Variants in CALCRL observed in about 807,000 individuals in gnomAD.
CALCRL encodes the protein calcitonin receptor like receptor.
CALCRL carries 27 observed loss-of-function variants against 60.4 expected under a neutral mutation model. The observed-to-expected ratio is 0.45, with a 90% CI of 0.33 to 0.62. CALCRL has a LOEUF of 0.62. CALCRL is among the 20% of genes least tolerant of loss of function. CALCRL has a pLI of 0.03. For synonymous variants in CALCRL, 190 were observed against 182.6 expected (o/e 1.04, Z -0.33); for missense variants, 424 against 540.7 (o/e 0.78, Z 2.14).
intron 14 of CALCRL, among the ~76,000 whole-genome samples, chr2:187,348,665 T>C (rs1254628510): frequency 6.6e-6 from 1 of 151,694 alleles, no homozygotes; most frequent in Non-Finnish European, 1.5e-5. Flanking sequence ...GAAAGCCAAT[T>C]TCATGAACTG....
intron 8 of CALCRL, among the ~76,000 whole-genome samples, chr2:187,369,858 T>C (rs1460492491): frequency 6.6e-6 from 1 of 152,152 alleles, no homozygotes; most frequent in Non-Finnish European, 1.5e-5. Context: ...AGAGAAGTAT[T>C]CCAAATGGGG....
intron 1 of CALCRL, among the ~76,000 whole-genome samples, chr2:187,429,139 G>T (rs1184887548): frequency 6.6e-6 from 1 of 151,714 alleles, no homozygotes; most frequent in Admixed American, 6.6e-5. Context: ...AGATGCTTCT[G>T]TTGCCAAAAT....
At chr2:187,365,798 A>C (rs1205818850) in intron 8 of CALCRL, among the ~76,000 whole-genome samples, 1 of 152,206 alleles carries the variant, frequency 6.6e-6, no homozygotes, top group Non-Finnish European at 1.5e-5. Flanking sequence ...TAAGCCATGA[A>C]CAGAAAGAAA....
At chr2:187,411,652 T>C (rs986127355) in intron 1 of CALCRL, among the ~76,000 whole-genome samples, 2 of 152,036 alleles carry the variant, frequency 1.3e-5, no homozygotes, top group African/African-American at 4.8e-5. Flanking sequence ...TTAAATATTA[T>C]GAGGTATTGT....
chr2:187,387,803 A>C (rs900378045), intron 1 of CALCRL, 47 bp from the exon 2 acceptor site: 4 of 390,552 alleles, frequency 1.0e-5, no homozygotes, highest in African/African-American at 2.1e-5. Context: ...CTAATGACCA[A>C]AATTATTTCC....
chr2:187,440,200 C>T (rs1690825986), intron 1 of CALCRL, among the ~76,000 whole-genome samples: 1 of 151,626 alleles, frequency 6.6e-6, no homozygotes, highest in African/African-American at 2.4e-5. Context: ...TTAGGTTGAA[C>T]TAAAATGTCC....
chr2:187,369,391 C>A (rs565407702), intron 8 of CALCRL, among the ~76,000 whole-genome samples: 31 of 152,212 alleles, frequency 2.0e-4, no homozygotes, highest in African/African-American at 7.2e-4. Flanking sequence ...TTTTGAAACC[C>A]TTAGACTATC....
intron 8 of CALCRL, among the ~76,000 whole-genome samples, chr2:187,370,201 T>G (rs860846): frequency 0.32 from 48,205 of 151,994 alleles, 7,863 homozygotes; most frequent in Middle Eastern, 0.4. Flanking sequence ...CTAGTCATTC[T>G]GTTTTTTCTT....
At chr2:187,356,785 A>T (rs192508611) in intron 12 of CALCRL, among the ~76,000 whole-genome samples, 108 of 152,272 alleles carry the variant, frequency 7.1e-4, no homozygotes, top group African/African-American at 2.5e-3. Flanking sequence ...GAATCTACAA[A>T]GAACTTAAAC....
intron 1 of CALCRL, among the ~76,000 whole-genome samples, chr2:187,431,012 A>C (rs936310145): frequency 6.6e-6 from 1 of 152,136 alleles, no homozygotes; most frequent in African/African-American, 2.4e-5. Context: ...AATTAATTTA[A>C]CACTCCCGGT....
At chr2:187,430,695 T>C (rs1295310051) in intron 1 of CALCRL, among the ~76,000 whole-genome samples, 1 of 152,082 alleles carries the variant, frequency 6.6e-6, no homozygotes, top group Non-Finnish European at 1.5e-5. Flanking sequence ...TTTAGAGTCA[T>C]TTAAAGTTTT....
chr2:187,411,994 A>C (rs1559067816), intron 1 of CALCRL, among the ~76,000 whole-genome samples: 1 of 151,356 alleles, frequency 6.6e-6, no homozygotes, highest in Non-Finnish European at 1.5e-5. Context: ...AAAAAAAAAA[A>C]AAAAAAAGAA....
Position 187,346,260 on chromosome 2 carries a change from G to A in CALCRL, c.1310C>T (p.Pro437Leu), listed in dbSNP as rs1686264244. The A allele has an allele frequency of 1.2e-6, 2 of 1,612,216 alleles. No homozygotes were observed. Among genetic ancestry groups the A allele is most frequent in the Non-Finnish European group, 1.7e-6 (2 of 1,178,846 alleles). The change falls in exon 15 of 15, where the codon CCT becomes CTT. Residue 437 changes from proline to leucine, a missense_variant. Coordinates refer to ENST00000392370, the MANE Select transcript of CALCRL (RefSeq NM_005795.6). ...SDGPGYSHDCPSEHLNGKSIH... is the reference protein window; with the variant it reads ...SDGPGYSHDCLSEHLNGKSIH... ...GCTTTTTCCATTTAAGTGTTCACTA[G>A]GACAGTCATGACTATAACCTGGACC...
intron 1 of CALCRL, among the ~76,000 whole-genome samples, chr2:187,420,254 T>A (rs775063225): frequency 1.1e-4 from 17 of 152,154 alleles, no homozygotes; most frequent in Non-Finnish European, 1.5e-4. Flanking sequence ...TTATTTTGAT[T>A]AAAATAATCA....
intron 1 of CALCRL, chr2:187,415,897 C>T (rs1689582620): frequency 7.5e-6 from 2 of 266,322 alleles, no homozygotes; most frequent in Admixed American, 5.3e-5. Flanking sequence ...GAGAGAGGAC[C>T]TCATTGCTGG....
At chr2:187,402,243 G>A (rs941171493) in intron 1 of CALCRL, among the ~76,000 whole-genome samples, 1 of 151,314 alleles carries the variant, frequency 6.6e-6, no homozygotes, top group African/African-American at 2.4e-5. Context: ...GTTATATTAA[G>A]TTCTAGGGAT....
intron 1 of CALCRL, among the ~76,000 whole-genome samples, chr2:187,444,897 T>G (rs1194846949): frequency 6.6e-6 from 1 of 151,596 alleles, no homozygotes; most frequent in African/African-American, 2.4e-5. Flanking sequence ...AAAGGATAGA[T>G]CCATCTGGTT....
chr2:187,375,108 T>TA (rs1429824003), intron 8 of CALCRL, among the ~76,000 whole-genome samples: 1 of 151,136 alleles, frequency 6.6e-6, no homozygotes, highest in African/African-American at 2.4e-5. Flanking sequence ...CCGTCTCTAC[T>TA]AAAAATACAA....
intron 1 of CALCRL, among the ~76,000 whole-genome samples, chr2:187,393,951 A>G (rs534678682): frequency 2.8e-4 from 43 of 152,244 alleles, no homozygotes; most frequent in African/African-American, 9.6e-4. Flanking sequence ...TCCATGCCCT[A>G]TTCACCAGAA....
Sources: gnomAD v4.1 joint callset for allele counts (sites outside exome capture counted in the v4.1 genomes callset) on GRCh38, gnomAD v4.1.1 for gene constraint, MANE v1.5 for transcripts, NCBI Gene and HGNC (gene_info 2026-07-23, HGNC 2026-07-21) for gene names.